Variants in SGCZ observed in about 807,000 individuals in gnomAD.
SGCZ encodes zeta-sarcoglycan.
A neutral mutation model predicts 41.3 loss-of-function variants in SGCZ; 40 were observed. The observed-to-expected ratio is 0.97, with a 90% confidence interval of 0.75 to 1.26. The LOEUF is 1.26. Among genes scored for constraint, SGCZ ranks in the 50% most tolerant of loss-of-function variants. The pLI, the probability that SGCZ is intolerant of heterozygous loss-of-function variation, is 0.00. For missense variants in SGCZ, 552 were observed against 369.8 expected (o/e 1.49, Z -4.04); for synonymous variants, 206 against 137.5 (o/e 1.50, Z -3.49).
intron 4 of SGCZ, among the ~76,000 whole-genome samples, chr8:14,206,956 A>C (rs1184620882): frequency 6.6e-6 from 1 of 152,138 alleles, no homozygotes; most frequent in Admixed American, 6.6e-5. Context: ...AGAATGACTT[A>C]TGTCACTTAG....
chr8:14,107,163 T>G (rs1458117647), intron 6 of SGCZ, among the ~76,000 whole-genome samples: 4 of 151,246 alleles, frequency 2.6e-5, no homozygotes, highest in Non-Finnish European at 4.4e-5. Context: ...TTGAGGTGAG[T>G]CGAGATAGCA....
chr8:14,563,406 G>C (rs775982902), intron 1 of SGCZ, among the ~76,000 whole-genome samples: 25 of 152,196 alleles, frequency 1.6e-4, no homozygotes, highest in Admixed American at 3.3e-4. Context: ...ATAGGTGTGA[G>C]TGGACAGAAA....
At chr8:14,499,746 C>A (rs1475024004) in intron 2 of SGCZ, among the ~76,000 whole-genome samples, 4 of 151,862 alleles carry the variant, frequency 2.6e-5, no homozygotes, top group Non-Finnish European at 5.9e-5. Context: ...ACACCTGTAT[C>A]TTCCCCTTAT....
intron 1 of SGCZ, among the ~76,000 whole-genome samples, chr8:15,135,215 A>G (rs570583433): frequency 3.3e-5 from 5 of 152,192 alleles, no homozygotes; most frequent in Admixed American, 6.5e-5. Context: ...TAAGTAGATC[A>G]ATGTATTCCC....
intron 7 of SGCZ, among the ~76,000 whole-genome samples, chr8:14,100,338 C>A (rs538106352): frequency 1.0e-3 from 156 of 150,784 alleles, no homozygotes; most frequent in Non-Finnish European, 1.5e-3. Context: ...TTATATGGGG[C>A]AAAATAGATA....
At chr8:14,263,117 G>A (rs1799731806) in intron 3 of SGCZ, among the ~76,000 whole-genome samples, 1 of 152,076 alleles carries the variant, frequency 6.6e-6, no homozygotes, top group Non-Finnish European at 1.5e-5. Context: ...TTTAATGGAA[G>A]TTAAGATATT....
intron 1 of SGCZ, among the ~76,000 whole-genome samples, chr8:15,236,210 C>A (rs2117219779): frequency 6.6e-6 from 1 of 152,214 alleles, no homozygotes; most frequent in Middle Eastern, 3.4e-3. Flanking sequence ...AGTGGCAGGG[C>A]GATTCTGGCA....
At chr8:14,164,941 T>TG in intron 4 of SGCZ, 1 of 439,702 alleles carries the variant, frequency 2.3e-6, no homozygotes, top group South Asian at 2.6e-5. Context: ...ACATAGCATG[T>TG]GAGTTTAGCC....
At chr8:14,925,809 T>A (rs1422757474) in intron 1 of SGCZ, among the ~76,000 whole-genome samples, 1 of 151,840 alleles carries the variant, frequency 6.6e-6, no homozygotes. Context: ...TTATTTTCCA[T>A]AAGCACCAGA....
chr8:14,276,094 G>A (rs12548611), intron 3 of SGCZ, among the ~76,000 whole-genome samples: 39,172 of 152,094 alleles, frequency 0.26, 5,500 homozygotes, highest in South Asian at 0.45. Context: ...GAGAGCAGGG[G>A]ACACATATGT....
At chr8:14,711,095 T>C (rs1271203589) in intron 1 of SGCZ, among the ~76,000 whole-genome samples, 5 of 152,124 alleles carry the variant, frequency 3.3e-5, no homozygotes, top group African/African-American at 1.2e-4. Flanking sequence ...ATTCATGAAG[T>C]CCACAATTAC....
chr8:14,212,465 G>C (rs1337757158), intron 4 of SGCZ, among the ~76,000 whole-genome samples: 2 of 10,320 alleles, frequency 1.9e-4, no homozygotes, highest in Non-Finnish European at 2.0e-4. Flanking sequence ...GAATGCAAAA[G>C]ACAAAAAAAA....
At chr8:14,540,018 G>A (rs756319301) in intron 2 of SGCZ, among the ~76,000 whole-genome samples, 5 of 151,688 alleles carry the variant, frequency 3.3e-5, no homozygotes, top group Non-Finnish European at 7.4e-5. Flanking sequence ...AGCCTGACAA[G>A]GAAAAAGCCT....
At chr8:15,036,265 T>C (rs1355033735) in intron 1 of SGCZ, among the ~76,000 whole-genome samples, 5 of 152,058 alleles carry the variant, frequency 3.3e-5, no homozygotes, top group Non-Finnish European at 7.4e-5. Context: ...CTTAGACACA[T>C]ACAACCTACC....
chr8:14,936,884 G>A (rs1800100891), intron 1 of SGCZ, among the ~76,000 whole-genome samples: 1 of 151,714 alleles, frequency 6.6e-6, no homozygotes, highest in Non-Finnish European at 1.5e-5. Context: ...AAAATCTGTA[G>A]AATACACTAA....
chr8:14,383,462 T>C (rs1000260774), intron 2 of SGCZ, among the ~76,000 whole-genome samples: 1 of 152,128 alleles, frequency 6.6e-6, no homozygotes, highest in Admixed American at 6.5e-5. Context: ...GGCTAATTAG[T>C]TTCATGCTTC....
intron 2 of SGCZ, among the ~76,000 whole-genome samples, chr8:14,398,723 T>A (rs1464752540): frequency 6.6e-6 from 1 of 152,106 alleles, no homozygotes; most frequent in Non-Finnish European, 1.5e-5. Context: ...ATAACATTAT[T>A]TATTGGATAT....
intron 3 of SGCZ, among the ~76,000 whole-genome samples, chr8:14,260,595 G>C (rs1396510211): frequency 6.7e-6 from 1 of 148,626 alleles, no homozygotes; most frequent in African/African-American, 2.5e-5. Context: ...TCCCATTACT[G>C]GGTATATACC....
At chr8:14,518,894 C>CAAAA (rs370947291) in intron 2 of SGCZ, among the ~76,000 whole-genome samples, 92 of 128,210 alleles carry the variant, frequency 7.2e-4, no homozygotes, top group African/African-American at 2.6e-3. Flanking sequence ...CCATCTCTAC[C>CAAAA]AAAAAAAAAA....
Sources: allele counts gnomAD v4.1 joint callset (sites outside exome capture counted in the v4.1 genomes callset), GRCh38; gene constraint gnomAD v4.1.1; transcripts MANE v1.5; gene names NCBI Gene and HGNC (gene_info 2026-07-23, HGNC 2026-07-21).